GLRB: variants seen among roughly 807,000 people sequenced by gnomAD.
GLRB encodes glycine receptor beta, also known as glycine receptor subunit beta.
GLRB carries 33 observed loss-of-function variants against 54.2 expected under a neutral mutation model. That is an observed-to-expected ratio of 0.61 (90% CI 0.46 to 0.81). The LOEUF (loss-of-function observed/expected upper bound fraction) is 0.81, where lower values mean the gene tolerates loss of function less well. GLRB is among the 40% of genes least tolerant of loss of function. GLRB has a pLI of 0.00. For synonymous variants in GLRB, 209 were observed against 208.2 expected (o/e 1.00, Z -0.03); for missense variants, 572 against 584.6 (o/e 0.98, Z 0.22).
At chr4:157,153,326 G>A (rs2126603675) in intron 9 of GLRB, among the ~76,000 whole-genome samples, 1 of 152,272 alleles carries the variant, frequency 6.6e-6, no homozygotes, top group African/African-American at 2.4e-5. Context: ...GCTGGATGGA[G>A]CACAGACCTT....
At chr4:157,162,579 G>T (rs998161491) in intron 9 of GLRB, among the ~76,000 whole-genome samples, 1 of 152,206 alleles carries the variant, frequency 6.6e-6, no homozygotes, top group African/African-American at 2.4e-5. Context: ...CTGCAGGTCT[G>T]TTGGAGTTTG....
intron 8 of GLRB, among the ~76,000 whole-genome samples, chr4:157,144,990 A>G (rs184794181): frequency 6.6e-6 from 1 of 152,350 alleles, no homozygotes; most frequent in African/African-American, 2.4e-5. Context: ...GTATTATTAC[A>G]TGTATTATAT....
chr4:157,091,934 G>A lies in GLRB; in HGVS notation c.122+13788G>A. Reference sequence around the variant, plus strand: ...GTCCCAGCTAAGTCAACTACTCTATGAACTCCCTGCCATTAACACTATACA... The same window carrying A: ...GTCCCAGCTAAGTCAACTACTCTATAAACTCCCTGCCATTAACACTATACA... On this transcript the variant is annotated intron_variant, in intron 2 of 9. Coordinates refer to ENST00000264428, the MANE Select transcript of GLRB (RefSeq NM_000824.5). Among the ~76,000 whole-genome samples, 2 of 152,034 alleles carry A rather than the reference G, an allele frequency of 1.3e-5. 1 individual carries two copies. Among genetic ancestry groups the A allele is most frequent in the East Asian group, 3.8e-4 (2 of 5,196 alleles).
At chr4:157,096,515 T>A (rs1734817315) in intron 2 of GLRB, among the ~76,000 whole-genome samples, 1 of 152,188 alleles carries the variant, frequency 6.6e-6, no homozygotes, top group African/African-American at 2.4e-5. Flanking sequence ...TTCCAAACAA[T>A]GGTCAAGAGG....
rs536869876 is a variant in GLRB at position 157,132,066 on chromosome 4, G to A, written c.298-4403G>A. On this transcript the variant is annotated intron_variant, in intron 4 of 9. Coordinates refer to ENST00000264428, the MANE Select transcript of GLRB (RefSeq NM_000824.5). ...CCACTTTTTCCACATCCTTGCGTTC[G>A]TTTTTGTCAGTGTTCTGGATTTTGG... Among the ~76,000 whole-genome samples, 10 of 151,818 alleles carry A rather than the reference G, an allele frequency of 6.6e-5. No individual in the cohort carries two copies. In the South Asian group the frequency reaches 1.0e-3, roughly 16 times the overall value.
intron 2 of GLRB, among the ~76,000 whole-genome samples, chr4:157,105,341 T>C (rs937178505): frequency 6.6e-6 from 1 of 152,074 alleles, no homozygotes; most frequent in East Asian, 1.9e-4. Context: ...GCTTTCCTTT[T>C]GATGCTGATT....
At chr4:157,119,265 T>C (rs1284744937) in intron 2 of GLRB, among the ~76,000 whole-genome samples, 1 of 151,654 alleles carries the variant, frequency 6.6e-6, no homozygotes, top group Admixed American at 6.6e-5. Context: ...AATTCCCTTC[T>C]GCCTCCCAAG....
At chr4:157,082,280 A>G (rs972250273) in intron 2 of GLRB, among the ~76,000 whole-genome samples, 40 of 152,242 alleles carry the variant, frequency 2.6e-4, no homozygotes, top group African/African-American at 9.4e-4. Context: ...GATTTAGATA[A>G]TCACATTCTG....
rs1737068060 is a variant in GLRB at position 157,152,699 on chromosome 4, C to G, written c.905-19C>G. ...ATAGGGATAAAAAGCAACTTTCATT[C>G]CTCTTTCTGTTTCTGTAGGTATCTT... On this transcript the variant is annotated intron_variant, in intron 8 of 9. Transcript: ENST00000264428. The G allele has an allele frequency of 6.2e-7, 1 of 1,607,348 alleles. No individual in the cohort carries two copies. The highest frequency in any genetic ancestry group is 8.5e-7 in the Non-Finnish European group (1 of 1,174,056).
intron 2 of GLRB, among the ~76,000 whole-genome samples, chr4:157,114,477 CT>C (rs1735534406): frequency 6.6e-6 from 1 of 151,072 alleles, no homozygotes; most frequent in South Asian, 2.1e-4. Flanking sequence ...TAGTATGGTG[CT>C]TTTATTTATT....
chr4:157,076,971 C>T (rs1439626407), intron 1 of GLRB, among the ~76,000 whole-genome samples: 1 of 11,714 alleles, frequency 8.5e-5, no homozygotes, highest in South Asian at 1.7e-3. Flanking sequence ...GGGAAGAATC[C>T]TGGGGGGGGG....
chr4:157,113,753 T>G (rs1302887733), intron 2 of GLRB, among the ~76,000 whole-genome samples: 2 of 151,942 alleles, frequency 1.3e-5, no homozygotes, highest in Non-Finnish European at 2.9e-5. Flanking sequence ...TCTTCTTAAT[T>G]ATGACTCTTG....
intron 8 of GLRB, among the ~76,000 whole-genome samples, chr4:157,144,685 A>G (rs1367353015): frequency 6.6e-6 from 1 of 152,164 alleles, no homozygotes; most frequent in Admixed American, 6.5e-5. Context: ...TGTTTTCTGA[A>G]TATCACCTGG....
intron 2 of GLRB, among the ~76,000 whole-genome samples, chr4:157,117,657 C>G (rs755904472): frequency 2.4e-4 from 36 of 151,584 alleles, no homozygotes; most frequent in Non-Finnish European, 4.1e-4. Context: ...TGTTCTTCTT[C>G]CTCTGGAAAT....
At chr4:157,147,631 G>A (rs1177803599) in intron 8 of GLRB, among the ~76,000 whole-genome samples, 1 of 152,126 alleles carries the variant, frequency 6.6e-6, no homozygotes, top group Non-Finnish European at 1.5e-5. Context: ...TTTTGATGAA[G>A]GACAACCAGT....
chr4:157,118,739 A>T (rs995209619), intron 2 of GLRB, among the ~76,000 whole-genome samples: 1 of 151,652 alleles, frequency 6.6e-6, no homozygotes, highest in Non-Finnish European at 1.5e-5. Flanking sequence ...TTGTATGAAA[A>T]TAAACTCAGA....
At chr4:157,097,523 T>A (rs186251307) in intron 2 of GLRB, among the ~76,000 whole-genome samples, 27 of 152,324 alleles carry the variant, frequency 1.8e-4, no homozygotes, top group East Asian at 1.5e-3. Context: ...AAAATTTGTT[T>A]CTATTGCTTG....
At chr4:157,141,953 T>C (rs1736633602) in intron 7 of GLRB, among the ~76,000 whole-genome samples, 1 of 152,096 alleles carries the variant, frequency 6.6e-6, no homozygotes, top group African/African-American at 2.4e-5. Context: ...AGTAAATCGT[T>C]ATAATATTTG....
intron 2 of GLRB, among the ~76,000 whole-genome samples, chr4:157,087,649 C>T (rs1347545851): frequency 6.6e-6 from 1 of 151,808 alleles, no homozygotes; most frequent in Non-Finnish European, 1.5e-5. Flanking sequence ...AAATCTAATT[C>T]CAGAGTTGAT....
Sources: gnomAD v4.1 joint callset for allele counts (sites outside exome capture counted in the v4.1 genomes callset) on GRCh38, gnomAD v4.1.1 for gene constraint, MANE v1.5 for transcripts, NCBI Gene and HGNC (gene_info 2026-07-23, HGNC 2026-07-21) for gene names.